Variants in RANBP2 observed in about 807,000 individuals in gnomAD.
RANBP2 encodes E3 SUMO-protein ligase RanBP2.
In RANBP2, 57 loss-of-function variants were observed where a neutral mutation model predicts 303.6. The ratio of observed to expected loss-of-function variants is 0.19; its 90% CI spans 0.15 to 0.23. The LOEUF is 0.23. RANBP2 is among the 10% of genes least tolerant of loss of function. RANBP2 has a pLI of 1.00. For missense variants in RANBP2, 3,138 were observed against 3,780.8 expected, an observed-to-expected ratio of 0.83 and a Z score of 4.46; for synonymous variants, 1,167 against 1,301.5, an observed-to-expected ratio of 0.90 and a Z score of 2.23.
the RANBP2 span, chr2:108,839,368 C>A: frequency 3.8e-6 from 5 of 1,305,868 alleles, no homozygotes; most frequent in Admixed American, 2.0e-5. Flanking sequence ...GATCTTGTTT[C>A]ACAATATCTG....
At chr2:109,289,867 G>A in the RANBP2 span, among the ~76,000 whole-genome samples, 2 of 152,198 alleles carry the variant, frequency 1.3e-5, no homozygotes, top group East Asian at 1.9e-4. Flanking sequence ...ATTGTGTATC[G>A]CATTGCGGGT....
chr2:109,247,702 A>G, the RANBP2 span, among the ~76,000 whole-genome samples: 10 of 152,166 alleles, frequency 6.6e-5, no homozygotes, highest in African/African-American at 2.2e-4. Flanking sequence ...AACATCTTCT[A>G]TATGTTTTTC....
At chr2:109,526,594 G>A in the RANBP2 span, among the ~76,000 whole-genome samples, 2 of 152,160 alleles carry the variant, frequency 1.3e-5, no homozygotes, top group Non-Finnish European at 2.9e-5. Flanking sequence ...TTACAGGTGT[G>A]AGCCACCACG....
the RANBP2 span, among the ~76,000 whole-genome samples, chr2:109,025,977 TCC>T: frequency 7.2e-5 from 11 of 151,816 alleles, no homozygotes; most frequent in Admixed American, 5.9e-4. Flanking sequence ...TTGTTAGTAG[TCC>T]CCTTCATCCT....
the RANBP2 span, among the ~76,000 whole-genome samples, chr2:109,341,284 T>A: frequency 6.6e-6 from 1 of 152,232 alleles, no homozygotes; most frequent in African/African-American, 2.4e-5. Flanking sequence ...GTGATAACAG[T>A]AACAAACTTC....
At chr2:109,606,407 CTG>C in the RANBP2 span, among the ~76,000 whole-genome samples, 1 of 152,010 alleles carries the variant, frequency 6.6e-6, no homozygotes, top group Non-Finnish European at 1.5e-5. Context: ...AAGCAAGACT[CTG>C]TCTCAAAAAA....
At chr2:109,222,224 G>A in the RANBP2 span, among the ~76,000 whole-genome samples, 1 of 152,156 alleles carries the variant, frequency 6.6e-6, no homozygotes, top group Non-Finnish European at 1.5e-5. Flanking sequence ...GGTAAAGAAA[G>A]GTTGGTTAAG....
the RANBP2 span, among the ~76,000 whole-genome samples, chr2:108,791,083 T>C: frequency 1.3e-5 from 2 of 152,128 alleles, no homozygotes; most frequent in African/African-American, 4.8e-5. Flanking sequence ...TTTTTAACAT[T>C]GATTACATGT....
the RANBP2 span, among the ~76,000 whole-genome samples, chr2:109,494,382 C>T: frequency 6.6e-6 from 1 of 152,136 alleles, no homozygotes; most frequent in Non-Finnish European, 1.5e-5. Context: ...CTCATGAGCC[C>T]CAGAAGTGCC....
chr2:109,224,135 C>T, the RANBP2 span, among the ~76,000 whole-genome samples: 2 of 152,204 alleles, frequency 1.3e-5, no homozygotes, highest in East Asian at 1.9e-4. Context: ...CCTGGTCTCC[C>T]ACTTCTGCCC....
chr2:108,852,314 T>A, the RANBP2 span, among the ~76,000 whole-genome samples: 25 of 152,312 alleles, frequency 1.6e-4, no homozygotes, highest in East Asian at 4.8e-3. Context: ...GGAGTGTAAA[T>A]TAGTTCAGCC....
the RANBP2 span, among the ~76,000 whole-genome samples, chr2:109,282,962 T>C: frequency 5.3e-5 from 8 of 152,110 alleles, no homozygotes; most frequent in African/African-American, 1.9e-4. Context: ...GGCTTGTTAC[T>C]CTCCCTGGGT....
the RANBP2 span, among the ~76,000 whole-genome samples, chr2:109,391,121 C>A: frequency 1.3e-5 from 2 of 152,234 alleles, no homozygotes; most frequent in Non-Finnish European, 2.9e-5. Flanking sequence ...CCGACTCCCT[C>A]CTCAGATTTT....
chr2:109,171,004 G>C, the RANBP2 span, among the ~76,000 whole-genome samples: 1 of 152,196 alleles, frequency 6.6e-6, no homozygotes, highest in African/African-American at 2.4e-5. Context: ...CCAAGCCCGG[G>C]AGGCACACCT....
chr2:108,757,657 A>G (rs536406563), intron 17 of RANBP2, among the ~76,000 whole-genome samples: 141 of 152,344 alleles, frequency 9.3e-4, no homozygotes, highest in Non-Finnish European at 1.8e-3. Context: ...GCGGAATGTC[A>G]GGTAGTCCAG....
the RANBP2 span, among the ~76,000 whole-genome samples, chr2:108,889,615 C>T: frequency 2.0e-5 from 3 of 151,710 alleles, no homozygotes; most frequent in East Asian, 1.9e-4. Context: ...TACAGCTACA[C>T]CTGCTTAATT....
At chr2:108,954,318 C>T in the RANBP2 span, among the ~76,000 whole-genome samples, 3 of 152,318 alleles carry the variant, frequency 2.0e-5, no homozygotes, top group Admixed American at 1.3e-4. Context: ...ATATGGGCTG[C>T]CATTTTCCCA....
At chr2:109,180,048 T>TTTGC in the RANBP2 span, among the ~76,000 whole-genome samples, 3 of 152,030 alleles carry the variant, frequency 2.0e-5, no homozygotes, top group Non-Finnish European at 4.4e-5. Context: ...TATTGTAAGG[T>TTTGC]TTGCTCTCTG....
chr2:109,358,814 T>C, the RANBP2 span, among the ~76,000 whole-genome samples: 1 of 152,236 alleles, frequency 6.6e-6, no homozygotes, highest in African/African-American at 2.4e-5. Flanking sequence ...AATTCTTTCT[T>C]TTGTGGATCA....
Sources: allele counts gnomAD v4.1 joint callset (sites outside exome capture counted in the v4.1 genomes callset), GRCh38; gene constraint gnomAD v4.1.1; transcripts MANE v1.5; gene names NCBI Gene and HGNC (gene_info 2026-07-23, HGNC 2026-07-21).